SYNDIG1: variants seen among roughly 807,000 people sequenced by gnomAD.
SYNDIG1 encodes synapse differentiation-inducing gene protein 1.
A neutral mutation model predicts 19.4 loss-of-function variants in SYNDIG1; 9 were observed. The ratio of observed to expected loss-of-function variants is 0.46; its 90% confidence interval spans 0.28 to 0.81. The LOEUF (loss-of-function observed/expected upper bound fraction) is 0.81, where lower values mean the gene tolerates loss of function less well. Among genes scored for constraint, SYNDIG1 ranks in the 30% least tolerant of loss-of-function variants. The pLI is 0.12. For missense variants in SYNDIG1, 311 were observed against 343.3 expected, an observed-to-expected ratio of 0.91 and a Z score of 0.74; for synonymous variants, 141 against 145.9, an observed-to-expected ratio of 0.97 and a Z score of 0.24.
Position 24,666,375 on chromosome 20 carries a change from G to C in SYNDIG1, c.*871G>C, listed in dbSNP as rs1457640652. On this transcript the variant is annotated 3_prime_UTR_variant, in exon 4 of 4. Transcript: ENST00000376862. The stretch of plus-strand genomic sequence containing the variant: ...CTGGCGGATGCTCACCCCGTCATAA[G>C]CAGAAACTAGTGATCCTGGAAATGA... 1 of 152,644 alleles carries C rather than the reference G, an allele frequency of 6.6e-6. No homozygotes were observed. The highest frequency in any genetic ancestry group is 1.5e-5 in the Non-Finnish European group (1 of 68,052). 9.5% of individuals were successfully genotyped at this position (152,644 alleles called of 1,614,324 possible). A position where few individuals can be genotyped will look rare whatever the true frequency, so the allele number is the denominator to read the frequency against.
intron 3 of SYNDIG1, among the ~76,000 whole-genome samples, chr20:24,636,736 C>G (rs970058923): frequency 6.6e-6 from 1 of 152,226 alleles, no homozygotes; most frequent in African/African-American, 2.4e-5. Context: ...TCCAGCTTAT[C>G]TATGTCTGCA....
At chr20:24,605,335 C>T (rs568885145) in intron 3 of SYNDIG1, among the ~76,000 whole-genome samples, 8 of 152,306 alleles carry the variant, frequency 5.3e-5, no homozygotes, top group Admixed American at 6.5e-5. Context: ...GCTAGAGGAA[C>T]GGCTCCAATA....
Position 24,657,423 on chromosome 20 carries a change from G to T in SYNDIG1, c.619-7923G>T, listed in dbSNP as rs527368528. Among the ~76,000 whole-genome samples the T allele has an allele frequency of 3.5e-3, 539 of 152,296 alleles. 1 individual carries two copies. The highest frequency in any genetic ancestry group is 6.7e-3 in the Non-Finnish European group (454 of 68,022). On this transcript the variant is annotated intron_variant, in intron 3 of 3. Coordinates refer to ENST00000376862, the MANE Select transcript of SYNDIG1 (RefSeq NM_024893.3). Reference sequence around the variant, plus strand: ...GTAGTGATTCAGACCAGCAGGAGGCGGAGGGGATCGGCGCCAGCACCCAGG... The same window carrying T: ...GTAGTGATTCAGACCAGCAGGAGGCTGAGGGGATCGGCGCCAGCACCCAGG...
intron 1 of SYNDIG1, among the ~76,000 whole-genome samples, chr20:24,517,630 G>GTA (rs753046947): frequency 0.011 from 1,491 of 129,810 alleles, 13 homozygotes; most frequent in East Asian, 0.018. Flanking sequence ...AAAAAAAAAA[G>GTA]TATATATATA....
chr20:24,577,102 A>G (rs986560935), intron 2 of SYNDIG1, among the ~76,000 whole-genome samples: 3 of 152,182 alleles, frequency 2.0e-5, no homozygotes, highest in Admixed American at 6.5e-5. Context: ...ATTTAGGGCA[A>G]TGTGTGTTCA....
chr20:24,574,627 T>C (rs547581325), intron 2 of SYNDIG1, among the ~76,000 whole-genome samples: 1 of 152,344 alleles, frequency 6.6e-6, no homozygotes, highest in East Asian at 1.9e-4. Context: ...AAGGAACTTC[T>C]TATCCTACTC....
intron 3 of SYNDIG1, among the ~76,000 whole-genome samples, chr20:24,654,652 G>GGAAA: frequency 2.6e-5 from 2 of 78,312 alleles, no homozygotes; most frequent in African/African-American, 9.6e-5. Flanking sequence ...GAGGGAGGGA[G>GGAAA]GAAGGAAGGA....
chr20:24,531,909 C>G (rs2057267839), intron 1 of SYNDIG1, among the ~76,000 whole-genome samples: 1 of 152,230 alleles, frequency 6.6e-6, no homozygotes, highest in African/African-American at 2.4e-5. Flanking sequence ...TTTTCTATCT[C>G]ACAGTGAGTA....
intron 3 of SYNDIG1, among the ~76,000 whole-genome samples, chr20:24,589,934 C>T (rs1391702145): frequency 6.6e-6 from 1 of 152,230 alleles, no homozygotes; most frequent in Non-Finnish European, 1.5e-5. Flanking sequence ...TTAGTGAACA[C>T]CTCCCACGTG....
intron 1 of SYNDIG1, among the ~76,000 whole-genome samples, chr20:24,499,712 C>G (rs1389793665): frequency 6.6e-6 from 1 of 152,164 alleles, no homozygotes; most frequent in Non-Finnish European, 1.5e-5. Flanking sequence ...CATGCCCTGC[C>G]CGGGTAGAGG....
chr20:24,472,613 G>A (rs2055500883), intron 1 of SYNDIG1, among the ~76,000 whole-genome samples: 1 of 152,154 alleles, frequency 6.6e-6, no homozygotes, highest in Non-Finnish European at 1.5e-5. Context: ...GAAAATGTTT[G>A]GTCATCCTCC....
chr20:24,537,663 T>G (rs774895509), intron 1 of SYNDIG1, among the ~76,000 whole-genome samples: 5 of 151,936 alleles, frequency 3.3e-5, no homozygotes, highest in Non-Finnish European at 7.3e-5. Flanking sequence ...CAGATGGCAC[T>G]GCTGGTGGGT....
chr20:24,473,539 C>G (rs2055530948), intron 1 of SYNDIG1, among the ~76,000 whole-genome samples: 1 of 152,116 alleles, frequency 6.6e-6, no homozygotes, highest in Non-Finnish European at 1.5e-5. Context: ...ACCCGGGCAC[C>G]AGCTATGATT....
chr20:24,562,407 G>A (rs1273829753), intron 2 of SYNDIG1, among the ~76,000 whole-genome samples: 1 of 152,116 alleles, frequency 6.6e-6, no homozygotes, highest in African/African-American at 2.4e-5. Context: ...TAGTAGTATG[G>A]CATCTAATGT....
intron 3 of SYNDIG1, among the ~76,000 whole-genome samples, chr20:24,659,019 T>G (rs1039583637): frequency 6.6e-6 from 1 of 152,016 alleles, no homozygotes. Flanking sequence ...CTGCCCGGTC[T>G]CCAACTCCTC....
chr20:24,641,976 A>G (rs2059381786), intron 3 of SYNDIG1, among the ~76,000 whole-genome samples: 1 of 152,210 alleles, frequency 6.6e-6, no homozygotes, highest in Non-Finnish European at 1.5e-5. Context: ...CTGCTAACAC[A>G]TTATCAGAAA....
At chr20:24,497,601 T>A (rs889047906) in intron 1 of SYNDIG1, among the ~76,000 whole-genome samples, 3 of 152,214 alleles carry the variant, frequency 2.0e-5, no homozygotes, top group African/African-American at 7.2e-5. Context: ...GTCTTCTATG[T>A]GCACTGTACT....
intron 2 of SYNDIG1, among the ~76,000 whole-genome samples, chr20:24,557,713 G>C (rs957643022): frequency 3.3e-5 from 5 of 152,146 alleles, no homozygotes; most frequent in African/African-American, 1.2e-4. Context: ...CAGTCTGCCC[G>C]TACTGGGGGG....
chr20:24,564,697 C>T (rs2058009239), intron 2 of SYNDIG1, among the ~76,000 whole-genome samples: 1 of 152,184 alleles, frequency 6.6e-6, no homozygotes, highest in African/African-American at 2.4e-5. Flanking sequence ...ACGTGGCTGG[C>T]ACTCTGATTC....
Sources: allele counts gnomAD v4.1 joint callset (sites outside exome capture counted in the v4.1 genomes callset), GRCh38; gene constraint gnomAD v4.1.1; transcripts MANE v1.5; gene names NCBI Gene and HGNC (gene_info 2026-07-23, HGNC 2026-07-21).